Variants in PRDM15 observed in about 807,000 individuals in gnomAD.
The protein encoded by PRDM15 is PR/SET domain 15, also known as PR domain zinc finger protein 15.
A neutral mutation model predicts 128.6 loss-of-function variants in PRDM15; 64 were observed. That is an observed-to-expected ratio of 0.50 (90% CI 0.41 to 0.61). The LOEUF is 0.61. Among genes scored for constraint, PRDM15 ranks in the 20% least tolerant of loss-of-function variants. PRDM15 has a pLI of 0.00. For missense variants in PRDM15, 1,242 were observed against 1,569.1 expected, an observed-to-expected ratio of 0.79 and a Z score of 3.52; for synonymous variants, 615 against 621.8, an observed-to-expected ratio of 0.99 and a Z score of 0.16.
intron 21 of PRDM15, among the ~76,000 whole-genome samples, chr21:41,809,874 G>A (rs566276031): frequency 9.8e-5 from 15 of 152,306 alleles, no homozygotes; most frequent in African/African-American, 3.6e-4. Context: ...TGGGAAGAAT[G>A]GGGGGAGTGG....
chr21:41,852,339 C>T (rs773805857), intron 5 of PRDM15, among the ~76,000 whole-genome samples: 4 of 152,222 alleles, frequency 2.6e-5, no homozygotes, highest in Non-Finnish European at 5.9e-5. Flanking sequence ...TGCCAGCTGC[C>T]TAGGCCTTCA....
intron 1 of PRDM15, among the ~76,000 whole-genome samples, chr21:41,864,319 A>T (rs1220903521): frequency 6.6e-6 from 1 of 152,226 alleles, no homozygotes; most frequent in Non-Finnish European, 1.5e-5. Flanking sequence ...CTTAAAACAT[A>T]AAATATTAAA....
rs2062021261 is a variant in PRDM15 at position 41,815,593 on chromosome 21, T to C, written c.2392+112A>G. 4.9e-6 allele frequency: 7 copies of C among 1,426,962 alleles called. No individual in the cohort carries two copies. In the African/African-American group the frequency reaches 8.5e-5, roughly 17 times the overall value. 88.4% of individuals were successfully genotyped at this position (1,426,962 alleles called of 1,614,324 possible). A position where few individuals can be genotyped will look rare whatever the true frequency, so the allele number is the denominator to read the frequency against. ...CTCTCTTGGGGAACCCGGCACTCAG[T>C]GGGAATCACAAAGAGGAATCGTCTC... is the stretch of plus-strand genomic sequence containing the variant. On this transcript the variant is annotated intron_variant, in intron 19 of 23. Transcript: ENST00000398548.
intron 11 of PRDM15, among the ~76,000 whole-genome samples, chr21:41,830,245 CCA>C (rs1226547743): frequency 1.2e-4 from 18 of 150,340 alleles, no homozygotes; most frequent in East Asian, 3.9e-4. Flanking sequence ...TCAANACACA[CCA>C]CACACACACC....
chr21:41,876,529 G>C (rs576677767), intron 1 of PRDM15, among the ~76,000 whole-genome samples: 1 of 152,172 alleles, frequency 6.6e-6, no homozygotes, highest in Admixed American at 6.5e-5. Flanking sequence ...TGTGGCCCAC[G>C]GGGGAGCCAC....
intron 3 of PRDM15, among the ~76,000 whole-genome samples, chr21:41,857,657 A>C (rs1451854107): frequency 6.6e-6 from 1 of 152,202 alleles, no homozygotes; most frequent in Non-Finnish European, 1.5e-5. Flanking sequence ...GCTACTCGGG[A>C]GGCTAAAGCA....
intron 1 of PRDM15, chr21:41,861,746 G>C: frequency 1.9e-6 from 3 of 1,613,954 alleles, no homozygotes; most frequent in Non-Finnish European, 2.5e-6. Flanking sequence ...CACTGAACTT[G>C]TGTGTCTGAG....
chr21:41,800,210 GA>G lies in PRDM15; in HGVS notation c.*1029del, dbSNP rs1159940830. On this transcript the variant is annotated 3_prime_UTR_variant, in exon 24 of 24. Coordinates refer to ENST00000398548, the MANE Select transcript of PRDM15 (RefSeq NM_001040424.3). ...TTTGGAATTGAAGTTTAAACAGAAG[GA>G]AAATATGACTTTTCCCCCGTTTCTT... is the stretch of plus-strand genomic sequence containing the variant. 6.6e-6 allele frequency: 1 copy of G among 152,208 alleles called. No individual in the cohort carries two copies. The highest frequency in any genetic ancestry group is 1.5e-5 in the Non-Finnish European group (1 of 68,046). 9.4% of individuals were successfully genotyped at this position (152,208 alleles called of 1,614,324 possible).
In PRDM15 at chr21:41,810,939, C is replaced by T. The variant is rs2045447060; in HGVS notation, c.2393-103G>A. ...CACGTTCCAGGCACTGTAGGGCCTT[C>T]AGGAGAAGGTGAATTGCAAGAAGAC... On this transcript the variant is annotated intron_variant, in intron 19 of 23. Transcript: ENST00000398548. This position sits in a 1 kb window ranked among gnomAD's most constrained non-coding sequence, Gnocchi z 6.4. 4.0e-6 allele frequency: 4 copies of T among 997,944 alleles called. No homozygotes were observed. Among genetic ancestry groups the T allele is most frequent in the Admixed American group, 1.9e-5 (1 of 53,320 alleles). 61.8% of individuals were successfully genotyped at this position (997,944 alleles called of 1,614,324 possible).
At chr21:41,835,876 C>T (rs1021961106) in intron 10 of PRDM15, among the ~76,000 whole-genome samples, 1 of 57,456 alleles carries the variant, frequency 1.7e-5, no homozygotes, top group Non-Finnish European at 3.9e-5. Context: ...GGGACTCTCC[C>T]TTCTCAGGGA....
chr21:41,858,047 C>T (rs953213740), intron 3 of PRDM15, among the ~76,000 whole-genome samples: 14 of 152,154 alleles, frequency 9.2e-5, no homozygotes, highest in Admixed American at 6.5e-5. Context: ...TGGGGTCCAG[C>T]GATGGAGGAG....
chr21:41,818,594 C>A (rs561623152), intron 18 of PRDM15, among the ~76,000 whole-genome samples: 103 of 152,280 alleles, frequency 6.8e-4, no homozygotes, highest in Middle Eastern at 3.4e-3. Flanking sequence ...GCCTTTTCTG[C>A]AGGCAGTTCT....
rs555717973 is a variant in PRDM15 at position 41,810,703 on chromosome 21, G to A, written c.2476+50C>T. Reference sequence around the variant, plus strand: ...CCCCAGCAGGCACTCAGACAGCCCCGGCAGCCTGCCGCGTGCGCCCCGAAG... The same window carrying A: ...CCCCAGCAGGCACTCAGACAGCCCCAGCAGCCTGCCGCGTGCGCCCCGAAG... On this transcript the variant is annotated intron_variant, in intron 20 of 23. Coordinates refer to ENST00000398548, the MANE Select transcript of PRDM15 (RefSeq NM_001040424.3). The surrounding 1 kb of genome is among the most constrained non-coding windows in gnomAD (Gnocchi z 6.4). 2.7e-5 allele frequency: 40 copies of A among 1,468,182 alleles called. 1 individual carries two copies. The highest frequency in any genetic ancestry group is 1.7e-4 in the Middle Eastern group (1 of 5,762). 90.9% of individuals were successfully genotyped at this position (1,468,182 alleles called of 1,614,324 possible). A position where few individuals can be genotyped will look rare whatever the true frequency, so the allele number is the denominator to read the frequency against.
Position 41,828,737 on chromosome 21 carries a change from C to T in PRDM15, c.1367-404G>A, listed in dbSNP as rs539692781. Among the ~76,000 whole-genome samples, 9 of 145,094 alleles carry T rather than the reference C, an allele frequency of 6.2e-5. No individual in the cohort carries two copies. The highest frequency in any genetic ancestry group is 2.0e-4 in the African/African-American group (8 of 39,446). On this transcript the variant is annotated intron_variant, in intron 11 of 23. Coordinates refer to ENST00000398548, the MANE Select transcript of PRDM15 (RefSeq NM_001040424.3). This position sits in a 1 kb window ranked among gnomAD's most constrained non-coding sequence, Gnocchi z 5.7. Reference sequence around the variant, plus strand: ...ATAGAATGACCTACCTACCAACCAACCAACCAACCACCCGAGCAACTGACC... The same window carrying T: ...ATAGAATGACCTACCTACCAACCAATCAACCAACCACCCGAGCAACTGACC...
intron 6 of PRDM15, among the ~76,000 whole-genome samples, chr21:41,842,638 G>A (rs948275193): frequency 2.6e-5 from 4 of 152,012 alleles, no homozygotes; most frequent in African/African-American, 9.7e-5. Context: ...CTACAAGCGT[G>A]CACCACCGTG....
At position 41,879,211 on chromosome 21, in the gene PRDM15, C is replaced by G. The variant is rs2064551598; in HGVS notation, c.-10+59G>C. 1 of 787,550 alleles carries G rather than the reference C, an allele frequency of 1.3e-6. No individual in the cohort carries two copies. Among genetic ancestry groups the G allele is most frequent in the Admixed American group, 6.6e-5 (1 of 15,154 alleles). 48.8% of individuals were successfully genotyped at this position (787,550 alleles called of 1,614,324 possible). On this transcript the variant is annotated intron_variant, in intron 1 of 23. Transcript: ENST00000398548. This position sits in a 1 kb window ranked among gnomAD's most constrained non-coding sequence, Gnocchi z 5.1. ...GGGCTCGCGGGGGCAGCGGGTGCGGCCCGGGGCCGGCGGGGCGCACGCCGG... is the reference window on the plus strand; with the variant it reads ...GGGCTCGCGGGGGCAGCGGGTGCGGGCCGGGGCCGGCGGGGCGCACGCCGG...
At chr21:41,863,586 C>G (rs2063897563) in intron 1 of PRDM15, among the ~76,000 whole-genome samples, 2 of 151,854 alleles carry the variant, frequency 1.3e-5, no homozygotes, top group Admixed American at 1.3e-4. Context: ...TGCATCTAAC[C>G]TGGTGGTAAA....
At chr21:41,842,741 G>T (rs945739259) in intron 6 of PRDM15, among the ~76,000 whole-genome samples, 2 of 150,050 alleles carry the variant, frequency 1.3e-5, no homozygotes, top group Admixed American at 1.3e-4. Flanking sequence ...TGCCTGCCTC[G>T]GCCTCCCAAA....
In PRDM15 at chr21:41,859,218, C is replaced by T; in HGVS notation, c.131+374G>A. The T allele has an allele frequency of 6.2e-7, 1 of 1,613,690 alleles. No individual in the cohort carries two copies. ...GCCTGGGTGTGCACGTGTCCGCTGG[C>T]AGGCCAAGACCTGGAATGCAGAGAG... On this transcript the variant is annotated intron_variant, in intron 3 of 23. Coordinates refer to ENST00000398548, the MANE Select transcript of PRDM15 (RefSeq NM_001040424.3). This position sits in a 1 kb window ranked among gnomAD's most constrained non-coding sequence, Gnocchi z 5.3.
Sources: gnomAD v4.1 joint callset for allele counts (sites outside exome capture counted in the v4.1 genomes callset) on GRCh38, gnomAD v4.1.1 for gene constraint, Gnocchi (gnomAD v3.1) non-coding constraint, MANE v1.5 for transcripts, NCBI Gene and HGNC (gene_info 2026-07-23, HGNC 2026-07-21) for gene names.